The following ABCA13 variants were observed in gnomAD, a reference collection of about 807,000 sequenced individuals.
ABCA13 encodes ATP binding cassette subfamily A member 13, also known as ATP-binding cassette sub-family A member 13.
Under a neutral mutation model 478.7 loss-of-function variants are expected in ABCA13, and 476 were observed. The ratio of observed to expected loss-of-function variants is 0.99; its 90% CI spans 0.92 to 1.07. The LOEUF (loss-of-function observed/expected upper bound fraction) is 1.07, where lower values mean the gene tolerates loss of function less well. Ranked by LOEUF, ABCA13 falls within the 50% of genes least tolerant of loss-of-function variation. The pLI is 0.00. For synonymous variants in ABCA13, 2,252 were observed against 2,158.9 expected, an observed-to-expected ratio of 1.04 and a Z score of -1.20; for missense variants, 6,060 against 5,910.6, an observed-to-expected ratio of 1.03 and a Z score of -0.83.
intron 36 of ABCA13, among the ~76,000 whole-genome samples, chr7:48,388,213 G>C (rs1815485241): frequency 1.3e-5 from 2 of 152,088 alleles, no homozygotes; most frequent in Admixed American, 1.3e-4. Flanking sequence ...CCTCCCCTCT[G>C]TGCATTATGT....
chr7:48,386,158 A>T (rs1815155173), intron 35 of ABCA13, among the ~76,000 whole-genome samples: 1 of 152,218 alleles, frequency 6.6e-6, no homozygotes. Flanking sequence ...ATACACACAC[A>T]AAATATCTAG....
chr7:48,479,185 C>T (rs1276574934), intron 45 of ABCA13, among the ~76,000 whole-genome samples: 2 of 151,750 alleles, frequency 1.3e-5, no homozygotes, highest in African/African-American at 2.4e-5. Context: ...CTCCTGACCT[C>T]GTGATCTGCC....
At chr7:48,264,387 T>A (rs968450872) in intron 15 of ABCA13, among the ~76,000 whole-genome samples, 21 of 151,920 alleles carry the variant, frequency 1.4e-4, no homozygotes, top group African/African-American at 4.6e-4. Context: ...TGTACCCTTT[T>A]ACACTCCCAT....
chr7:48,565,850 A>G (rs1462454443), intron 55 of ABCA13, among the ~76,000 whole-genome samples: 1 of 152,130 alleles, frequency 6.6e-6, no homozygotes, highest in South Asian at 2.1e-4. Flanking sequence ...CACATGGCCC[A>G]TGTTTAAGAG....
intron 55 of ABCA13, among the ~76,000 whole-genome samples, chr7:48,569,277 T>A (rs919613722): frequency 3.3e-5 from 5 of 152,170 alleles, no homozygotes; most frequent in African/African-American, 1.2e-4. Flanking sequence ...TTATGTACCT[T>A]TTTAGCTGAA....
At chr7:48,582,658 G>A (rs560041754) in intron 56 of ABCA13, among the ~76,000 whole-genome samples, 7 of 152,212 alleles carry the variant, frequency 4.6e-5, no homozygotes, top group African/African-American at 1.7e-4. Context: ...CCCTCCCGGG[G>A]ACCCTCAGAG....
chr7:48,520,230 T>G lies in ABCA13; in HGVS notation c.13987T>G (p.Ser4663Ala), dbSNP rs1832446775. 6.2e-7 allele frequency: 1 copy of G among 1,613,536 alleles called. No homozygotes were observed. Among genetic ancestry groups the G allele is most frequent in the African/African-American group, 1.3e-5 (1 of 74,882 alleles). The change falls in exon 53 of 62, where the codon TCG (serine) becomes GCG (alanine). Residue 4663 changes from serine to alanine, a missense_variant. Ser to Ala is a moderately conservative substitution (Grantham distance 99). Coordinates refer to ENST00000435803, the MANE Select transcript of ABCA13 (RefSeq NM_152701.5). ...FLGWIFVQLA[S>A]QGTVLLLLRV... ...GGGCTGGATCTTCGTGCAACTGGCC[T>G]CGCAGGGCACAGTACTTCTCCTCTT...
intron 58 of ABCA13, among the ~76,000 whole-genome samples, chr7:48,606,325 C>A (rs1791459505): frequency 6.6e-6 from 1 of 152,124 alleles, no homozygotes; most frequent in African/African-American, 2.4e-5. Flanking sequence ...AGCCTTTTTG[C>A]TCTGGTTTCA....
At chr7:48,559,284 A>G (rs2131252332) in intron 55 of ABCA13, among the ~76,000 whole-genome samples, 1 of 152,262 alleles carries the variant, frequency 6.6e-6, no homozygotes, top group African/African-American at 2.4e-5. Context: ...TTTGACTGTC[A>G]GAGGAGCCTC....
intron 22 of ABCA13, among the ~76,000 whole-genome samples, chr7:48,297,627 C>T (rs779300648): frequency 2.0e-5 from 3 of 152,172 alleles, no homozygotes; most frequent in Non-Finnish European, 2.9e-5. Flanking sequence ...CATGAAGCTT[C>T]TTGTAGCATT....
At chr7:48,205,559 T>G (rs755904048) in intron 3 of ABCA13, among the ~76,000 whole-genome samples, 1 of 152,234 alleles carries the variant, frequency 6.6e-6, no homozygotes, top group Non-Finnish European at 1.5e-5. Context: ...GCACTTCTCC[T>G]TTAGGGAAGT....
At chr7:48,490,892 G>A (rs1352649046) in intron 48 of ABCA13, among the ~76,000 whole-genome samples, 1 of 152,192 alleles carries the variant, frequency 6.6e-6, no homozygotes, top group Non-Finnish European at 1.5e-5. Flanking sequence ...ATTAAAGGGA[G>A]AAGACTGGTT....
At position 48,455,116 on chromosome 7, in the gene ABCA13, G is replaced by A; in HGVS notation, c.12645G>A (p.Arg4215=). 6.4e-7 allele frequency: 1 copy of A among 1,559,986 alleles called. No homozygotes were observed. Among genetic ancestry groups the A allele is most frequent in the Non-Finnish European group, 8.7e-7 (1 of 1,152,802 alleles). Residue 4215 remains arginine (R), a synonymous_variant, in exon 43 of 62, where the codon AGG becomes AGA. Transcript: ENST00000435803. The stretch of plus-strand genomic sequence containing the variant: ...AAGTGGCCGCGATCCTGGCCCGGAG[G>A]CTCCGCCGCACGCTGCGCGCCGGGA... The part of the protein sequence containing the change: ...RAQVAAILAR[R]LRRTLRAGKS...
intron 27 of ABCA13, among the ~76,000 whole-genome samples, chr7:48,319,997 G>A (rs17661666): frequency 0.078 from 11,841 of 152,152 alleles, 554 homozygotes; most frequent in East Asian, 0.17. Flanking sequence ...CTTCCACAGA[G>A]CTGTGTGCAC....
At chr7:48,203,469 G>A (rs996987301) in intron 3 of ABCA13, among the ~76,000 whole-genome samples, 1 of 152,242 alleles carries the variant, frequency 6.6e-6, no homozygotes, top group Non-Finnish European at 1.5e-5. Context: ...CCAGCACGCT[G>A]TCACCTCTCA....
At chr7:48,596,958 C>CTT (rs538438745) in intron 58 of ABCA13, among the ~76,000 whole-genome samples, 1 of 146,690 alleles carries the variant, frequency 6.8e-6, no homozygotes, top group Non-Finnish European at 1.5e-5. Flanking sequence ...TATCATAACA[C>CTT]TTTTTTTTTT....
At chr7:48,197,335 C>T (rs1798062047) in intron 2 of ABCA13, among the ~76,000 whole-genome samples, 1 of 152,118 alleles carries the variant, frequency 6.6e-6, no homozygotes, top group Non-Finnish European at 1.5e-5. Flanking sequence ...TCAGATGGGC[C>T]CTGGCAATAC....
chr7:48,421,927 T>C (rs1030997346), intron 41 of ABCA13, among the ~76,000 whole-genome samples: 6 of 151,954 alleles, frequency 3.9e-5, no homozygotes, highest in Non-Finnish European at 7.4e-5. Flanking sequence ...AGTCCTCCTG[T>C]GTGCAGCTCA....
chr7:48,290,940 G>GAAAAAAAAA (rs57470116), intron 20 of ABCA13, among the ~76,000 whole-genome samples: 2 of 48,790 alleles, frequency 4.1e-5, no homozygotes, highest in Non-Finnish European at 9.6e-5. Flanking sequence ...CACACTCAGG[G>GAAAAAAAAA]AAAAAAAAAA....
Sources: allele counts gnomAD v4.1 joint callset (sites outside exome capture counted in the v4.1 genomes callset), GRCh38; gene constraint gnomAD v4.1.1; transcripts MANE v1.5; gene names NCBI Gene and HGNC (gene_info 2026-07-23, HGNC 2026-07-21).